The following IFNLR1 variants were observed in gnomAD, a reference collection of about 807,000 sequenced individuals.
IFNLR1 encodes interferon lambda receptor 1.
IFNLR1 carries 28 observed loss-of-function variants against 52.5 expected under a neutral mutation model. That is an observed-to-expected ratio of 0.53 (90% CI 0.40 to 0.73). The LOEUF is 0.73. Ranked by LOEUF, IFNLR1 falls within the 30% of genes least tolerant of loss-of-function variation. IFNLR1 has a pLI of 0.00. For missense variants in IFNLR1, 623 were observed against 659.1 expected (o/e 0.95, Z 0.60); for synonymous variants, 276 against 274.9 (o/e 1.00, Z -0.04).
chr1:24,178,708 T>C (rs1465983028), intron 2 of IFNLR1, among the ~76,000 whole-genome samples: 1 of 152,130 alleles, frequency 6.6e-6, no homozygotes, highest in African/African-American at 2.4e-5. Flanking sequence ...AAACTAGCAA[T>C]CACCTTTGGG....
Position 24,156,991 on chromosome 1 carries a change from C to A in IFNLR1, c.*139G>T. ...TTGCTCAGCCCGACAGGCAAACAGC[C>A]GCTAGGTGGACTTCCCGGAAGTGCA... is the stretch of plus-strand genomic sequence containing the variant. On this transcript the variant is annotated 3_prime_UTR_variant, in exon 7 of 7. Transcript: ENST00000327535. 3.2e-6 allele frequency: 3 copies of A among 935,192 alleles called. No individual in the cohort carries two copies. The highest frequency in any genetic ancestry group is 3.3e-5 in the African/African-American group (2 of 60,650). The allele number at this position is 935,192 out of a possible 1,614,324, so 57.9% of individuals were successfully genotyped here.
chr1:24,161,487 G>A, intron 4 of IFNLR1, 55 bp downstream of exon 4: 2 of 1,548,874 alleles, frequency 1.3e-6, no homozygotes, highest in Non-Finnish European at 1.7e-6. Context: ...AAGAACCTGA[G>A]TAAGAAGGGG....
intron 3 of IFNLR1, among the ~76,000 whole-genome samples, chr1:24,167,173 G>T (rs1644528671): frequency 6.6e-6 from 1 of 152,154 alleles, no homozygotes; most frequent in South Asian, 2.1e-4. Flanking sequence ...CCGGCATTTG[G>T]ACTCTGGGAC....
intron 2 of IFNLR1, among the ~76,000 whole-genome samples, chr1:24,169,905 G>A (rs1392433018): frequency 1.3e-5 from 2 of 152,176 alleles, no homozygotes; most frequent in African/African-American, 2.4e-5. Context: ...GGACTGTTGC[G>A]GTGGCTGCTA....
rs1455312739 is a variant in IFNLR1 at position 24,162,724 on chromosome 1, T to A, written c.368-1040A>T. 6.2e-5 allele frequency among the ~76,000 whole-genome samples: 2 copies of A among 32,470 alleles called. 1 individual carries two copies. Among genetic ancestry groups the A allele is most frequent in the Non-Finnish European group, 1.3e-4 (2 of 15,352 alleles). The allele number at this position is 32,470 out of a possible 152,430, so 21.3% of individuals were successfully genotyped here. On this transcript the variant is annotated intron_variant, in intron 3 of 6. Coordinates refer to ENST00000327535, the MANE Select transcript of IFNLR1 (RefSeq NM_170743.4). ...TTCTTTTCTTTTCTTTCTTTCTTTC[T>A]TTTCTTTCTTTCTTTCTTTCTTTCT... is the stretch of plus-strand genomic sequence containing the variant.
intron 2 of IFNLR1, 35 bp from the exon 3 acceptor site, chr1:24,169,636 C>G (rs1462348787): frequency 1.1e-5 from 18 of 1,589,184 alleles, no homozygotes; most frequent in Non-Finnish European, 1.5e-5. Context: ...GGGCCATGGA[C>G]TCAGCCTCTC....
rs377218089 is a variant in IFNLR1 at position 24,169,312 on chromosome 1, G to A, written c.367+105C>T. 3.7e-5 allele frequency: 41 copies of A among 1,103,812 alleles called. No homozygotes were observed. In the African/African-American group the frequency reaches 5.5e-4, roughly 15 times the overall value. 68.4% of individuals were successfully genotyped at this position (1,103,812 alleles called of 1,614,324 possible). A position where few individuals can be genotyped will look rare whatever the true frequency, so the allele number is the denominator to read the frequency against. ...CCCAGGGAGCTGCCCTCTGCTTTGG[G>A]GAAGTGGGAGACAGATGGTCAGGAG... On this transcript the variant is annotated intron_variant, in intron 3 of 6. Transcript: ENST00000327535.
At chr1:24,177,999 T>C (rs1644651895) in intron 2 of IFNLR1, among the ~76,000 whole-genome samples, 1 of 152,124 alleles carries the variant, frequency 6.6e-6, no homozygotes, top group Admixed American at 6.6e-5. Context: ...ATTATGTACA[T>C]GTAGGCTGGG....
intron 2 of IFNLR1, among the ~76,000 whole-genome samples, chr1:24,179,514 C>T (rs1363912875): frequency 7.2e-5 from 11 of 152,202 alleles, no homozygotes. Context: ...TCTGTCCCTG[C>T]TCAAGCCAGG....
rs748631973 is a variant in IFNLR1, at chr1:24,157,204, C to G, written c.1489G>C (p.Gly497Arg). The change falls in exon 7 of 7, where the codon GGC (glycine) becomes CGC (arginine). Residue 497 changes from glycine to arginine, a missense_variant. Coordinates refer to ENST00000327535, the MANE Select transcript of IFNLR1 (RefSeq NM_170743.4). The surrounding 1 kb of genome is among the most constrained non-coding windows in gnomAD (Gnocchi z 5.1). ...RESEIEDSDA[G>R]SWGAESTQRT... is the part of the protein sequence containing the mutation. ...TGGGTGCTCTCAGCCCCCCAGCTGC[C>G]CGCATCGCTGTCCTCAATTTCTGAT... The G allele has an allele frequency of 3.7e-6, 6 of 1,614,170 alleles. No homozygotes were observed. In the South Asian group the frequency reaches 5.5e-5, roughly 15 times the overall value.
chr1:24,163,270 T>G (rs1044015996), intron 3 of IFNLR1, among the ~76,000 whole-genome samples: 9 of 152,028 alleles, frequency 5.9e-5, no homozygotes, highest in Admixed American at 5.9e-4. Flanking sequence ...AACAATCCAT[T>G]CTTGATAAAC....
chr1:24,172,907 G>C (rs1451294722), intron 2 of IFNLR1, among the ~76,000 whole-genome samples: 1 of 152,090 alleles, frequency 6.6e-6, no homozygotes. Context: ...CTGTGTGCAT[G>C]CGCTCTTGGT....
intron 4 of IFNLR1, 103 bp downstream of exon 4, chr1:24,161,439 C>T (rs1390682435): frequency 5.2e-6 from 7 of 1,348,502 alleles, no homozygotes; most frequent in Non-Finnish European, 7.3e-6. Context: ...GGGAAGACTT[C>T]CTGGAGGAGG....
At chr1:24,165,341 C>T (rs1644507787) in intron 3 of IFNLR1, among the ~76,000 whole-genome samples, 2 of 152,206 alleles carry the variant, frequency 1.3e-5, no homozygotes, top group South Asian at 4.1e-4. Flanking sequence ...TTCTTCCTTT[C>T]TCAAGTTTTC....
chr1:24,166,199 A>G (rs1376105050), intron 3 of IFNLR1, among the ~76,000 whole-genome samples: 1 of 148,620 alleles, frequency 6.7e-6, no homozygotes, highest in Non-Finnish European at 1.5e-5. Context: ...CCATCCATCC[A>G]TCCATCCTTC....
At position 24,157,711 on chromosome 1, in the gene IFNLR1, C is replaced by T; in HGVS notation, c.982G>A (p.Glu328Lys). 6.2e-7 allele frequency: 1 copy of T among 1,614,166 alleles called. No individual in the cohort carries two copies. The highest frequency in any genetic ancestry group is 8.5e-7 in the Non-Finnish European group (1 of 1,180,014). ...WKKDLAEDEE[E>K]EDEEDTEDGV... ...TCTTCTGTGTCCTCCTCATCCTCCTCCTCTTCGTCCTCTGCAAGGTCCTTC... is the reference window on the plus strand; with the variant it reads ...TCTTCTGTGTCCTCCTCATCCTCCTTCTCTTCGTCCTCTGCAAGGTCCTTC... The change falls in exon 7 of 7, where the codon GAG (glutamate) becomes AAG (lysine). Residue 328 changes from glutamate (E) to lysine (K), a missense_variant. By Grantham distance (56) the Glu-to-Lys change is moderately conservative. Transcript: ENST00000327535. This position sits in a 1 kb window ranked among gnomAD's most constrained non-coding sequence, Gnocchi z 5.1.
chr1:24,169,547 C>T lies in IFNLR1; in HGVS notation c.237G>A (p.Glu79=), dbSNP rs779722568. Residue 79 remains glutamate (E), a synonymous_variant, in exon 3 of 7, where the codon GAG becomes GAA. Transcript: ENST00000327535. ...TCAGGCACATCATAGAACATAGCAG[C>T]TCCTTGGTTCCCGCACACTCTTCCA... The part of the protein sequence containing the change: ...REVEECAGTK[E]LLCSMMCLKK... The T allele has an allele frequency of 1.2e-6, 2 of 1,614,108 alleles. No homozygotes were observed. The highest frequency in any genetic ancestry group is 2.2e-5 in the East Asian group (1 of 44,900).
intron 2 of IFNLR1, among the ~76,000 whole-genome samples, chr1:24,173,595 TCTCC>T (rs59583493): frequency 1.6e-4 from 23 of 147,708 alleles, no homozygotes; most frequent in Admixed American, 9.3e-4. Context: ...CCATTTTTCT[TCTCC>T]CTCCCTCCCT....
At chr1:24,181,005 G>T in intron 1 of IFNLR1, 151 bp from the exon 2 acceptor site, 1 of 792,540 alleles carries the variant, frequency 1.3e-6, no homozygotes, top group South Asian at 1.8e-5. Context: ...CAGCCCTTGT[G>T]CCATGAGAGA....
Sources: allele counts gnomAD v4.1 joint callset (sites outside exome capture counted in the v4.1 genomes callset), GRCh38; gene constraint gnomAD v4.1.1; non-coding constraint Gnocchi (gnomAD v3.1); transcripts MANE v1.5; gene names NCBI Gene and HGNC (gene_info 2026-07-23, HGNC 2026-07-21).